BTBD1: variants seen among roughly 807,000 people sequenced by gnomAD.
BTBD1 encodes BTB domain containing 1, also known as BTB/POZ domain-containing protein 1.
Under a neutral mutation model 48.0 loss-of-function variants are expected in BTBD1, and 34 were observed. The observed-to-expected ratio is 0.71, with a 90% CI of 0.54 to 0.94. The LOEUF (loss-of-function observed/expected upper bound fraction) is 0.94, where lower values mean the gene tolerates loss of function less well. BTBD1 is among the 40% of genes least tolerant of loss of function. The pLI is 0.00. For missense variants in BTBD1, 543 were observed against 625.6 expected (o/e 0.87, Z 1.41); for synonymous variants, 261 against 242.1 (o/e 1.08, Z -0.72).
chr15:83,038,468 T>C (rs1236447808), intron 4 of BTBD1, among the ~76,000 whole-genome samples: 1 of 152,152 alleles, frequency 6.6e-6, no homozygotes, highest in Non-Finnish European at 1.5e-5. Context: ...CAAATGACCA[T>C]ATTGCCCAAA....
chr15:83,052,797 A>ATT (rs398028150), intron 2 of BTBD1, among the ~76,000 whole-genome samples: 3 of 94,538 alleles, frequency 3.2e-5, no homozygotes, highest in Admixed American at 1.3e-4. Context: ...CGCCCGGCTA[A>ATT]TTTTTTTTTT....
intron 3 of BTBD1, among the ~76,000 whole-genome samples, chr15:83,045,369 C>T (rs2032856920): frequency 6.6e-6 from 1 of 152,064 alleles, no homozygotes; most frequent in Admixed American, 6.5e-5. Flanking sequence ...GTGGCAGGTG[C>T]CTGTGTAATC....
intron 5 of BTBD1, among the ~76,000 whole-genome samples, chr15:83,021,668 C>T (rs1056472497): frequency 2.0e-4 from 31 of 151,792 alleles, no homozygotes; most frequent in Non-Finnish European, 4.4e-4. Flanking sequence ...GCAGGAGAAT[C>T]GTTTGAACCT....
At chr15:83,032,198 G>A (rs1236668748) in intron 4 of BTBD1, among the ~76,000 whole-genome samples, 3 of 152,158 alleles carry the variant, frequency 2.0e-5, no homozygotes, top group East Asian at 1.9e-4. Context: ...ATGTGCGCCT[G>A]TAGTCCCAGC....
intron 5 of BTBD1, chr15:83,028,474 A>G (rs980352139): frequency 1.3e-5 from 2 of 152,130 alleles, no homozygotes; most frequent in Non-Finnish European, 2.9e-5. Flanking sequence ...TCTTCTTTAT[A>G]TTGAGATTGA....
At chr15:83,042,128 T>C (rs925318168) in intron 3 of BTBD1, among the ~76,000 whole-genome samples, 2 of 151,868 alleles carry the variant, frequency 1.3e-5, no homozygotes, top group African/African-American at 4.8e-5. Context: ...AGTTTAACAA[T>C]CAATTTATTA....
At chr15:83,060,158 C>T (rs2033153756) in intron 1 of BTBD1, among the ~76,000 whole-genome samples, 1 of 151,766 alleles carries the variant, frequency 6.6e-6, no homozygotes, top group African/African-American at 2.4e-5. Flanking sequence ...TTCTATGTAA[C>T]GTCAAAAGGG....
chr15:83,052,563 A>G (rs1393632437), intron 2 of BTBD1, among the ~76,000 whole-genome samples: 1 of 151,812 alleles, frequency 6.6e-6, no homozygotes, highest in East Asian at 1.9e-4. Context: ...CTAGTCTAGG[A>G]TCACAGTTAT....
chr15:83,033,994 G>T (rs2032575249), intron 4 of BTBD1, among the ~76,000 whole-genome samples: 1 of 151,368 alleles, frequency 6.6e-6, no homozygotes, highest in East Asian at 1.9e-4. Flanking sequence ...AGGCTGAGGT[G>T]GGAGGATAAC....
chr15:83,025,244 C>T (rs551447230), intron 5 of BTBD1, among the ~76,000 whole-genome samples: 1 of 150,372 alleles, frequency 6.7e-6, no homozygotes, highest in African/African-American at 2.5e-5. Context: ...ATCCCAGCTA[C>T]TCGGGAGGCT....
intron 5 of BTBD1, among the ~76,000 whole-genome samples, chr15:83,024,499 T>A (rs1021267334): frequency 6.6e-6 from 1 of 152,370 alleles, no homozygotes; most frequent in East Asian, 1.9e-4. Context: ...TCATAGTACA[T>A]AAACATTCAC....
chr15:83,024,686 C>T (rs1405715530), intron 5 of BTBD1, among the ~76,000 whole-genome samples: 1 of 152,170 alleles, frequency 6.6e-6, no homozygotes, highest in Non-Finnish European at 1.5e-5. Flanking sequence ...GTTGCCCAGG[C>T]TGGAGTGCAG....
intron 1 of BTBD1, 123 bp downstream of exon 1, chr15:83,066,628 G>A: frequency 9.4e-7 from 1 of 1,067,906 alleles, no homozygotes. Context: ...CTGAGGCCCC[G>A]GGCGGGTCAG....
intron 2 of BTBD1, among the ~76,000 whole-genome samples, chr15:83,055,116 GA>G (rs1267542875): frequency 6.6e-6 from 1 of 151,904 alleles, no homozygotes; most frequent in Non-Finnish European, 1.5e-5. Context: ...TGTCTAAAAA[GA>G]AAAAAACTGT....
intron 5 of BTBD1, among the ~76,000 whole-genome samples, chr15:83,021,278 G>A (rs528675081): frequency 1.7e-4 from 26 of 152,330 alleles, no homozygotes; most frequent in African/African-American, 5.8e-4. Context: ...ATTACAAATT[G>A]TAACAAGAGC....
intron 2 of BTBD1, 123 bp downstream of exon 2, chr15:83,056,266 T>C (rs969897464): frequency 6.2e-6 from 4 of 647,330 alleles, no homozygotes; most frequent in East Asian, 2.8e-5. Flanking sequence ...ATTTGTATTA[T>C]AAAAATCATT....
Position 83,066,854 on chromosome 15 carries a change from C to A in BTBD1, c.298G>T (p.Gly100Cys). The A allele has an allele frequency of 6.9e-7, 1 of 1,453,884 alleles. No homozygotes were observed. Among genetic ancestry groups the A allele is most frequent in the Non-Finnish European group, 9.0e-7 (1 of 1,106,842 alleles). 90.1% of individuals were successfully genotyped at this position (1,453,884 alleles called of 1,614,324 possible). A position where few individuals can be genotyped will look rare whatever the true frequency, so the allele number is the denominator to read the frequency against. The change falls in exon 1 of 8, where the codon GGC becomes TGC. Residue 100 changes from glycine to cysteine, a missense_variant. Gly to Cys is a radical substitution (Grantham distance 159). Coordinates refer to ENST00000261721, the MANE Select transcript of BTBD1 (RefSeq NM_025238.4). ...AACATGGCGTCAAAGACGGCGCTGCCGGCCGCCAGCACGAAGCGGTGGGCG... is the reference window on the plus strand; with the variant it reads ...AACATGGCGTCAAAGACGGCGCTGCAGGCCGCCAGCACGAAGCGGTGGGCG... ...IPAHRFVLAAGSAVFDAMFNG... is the reference protein window; with the variant it reads ...IPAHRFVLAACSAVFDAMFNG...
rs149263527 is a variant in BTBD1, at chr15:83,031,537, C to T, written c.863-1209G>A. ...GTAAACTATCACAAGGACAAAATAC[C>T]AAACACCGCATGTTCTCACTCATAG... On this transcript the variant is annotated intron_variant, in intron 4 of 7. Coordinates refer to ENST00000261721, the MANE Select transcript of BTBD1 (RefSeq NM_025238.4). Among the ~76,000 whole-genome samples, 1,392 of 152,180 alleles carry T rather than the reference C, an allele frequency of 9.1e-3. 82 individuals are homozygous for T. The highest frequency in any genetic ancestry group is 0.076 in the Admixed American group (1,161 of 15,276).
chr15:83,048,495 G>C (rs981361775), intron 3 of BTBD1, among the ~76,000 whole-genome samples: 2 of 152,120 alleles, frequency 1.3e-5, no homozygotes, highest in African/African-American at 4.8e-5. Flanking sequence ...AAGACAAAAG[G>C]TACATTGTTA....
Sources: allele counts gnomAD v4.1 joint callset (sites outside exome capture counted in the v4.1 genomes callset), GRCh38; gene constraint gnomAD v4.1.1; transcripts MANE v1.5; gene names NCBI Gene and HGNC (gene_info 2026-07-23, HGNC 2026-07-21).